The following DENND4C variants were observed in gnomAD, a reference collection of about 807,000 sequenced individuals.
The protein encoded by DENND4C is DENN domain-containing protein 4C.
DENND4C carries 108 observed loss-of-function variants against 203.0 expected under a neutral mutation model. The ratio of observed to expected loss-of-function variants is 0.53; its 90% CI spans 0.46 to 0.62. The LOEUF is 0.62. DENND4C is among the 20% of genes least tolerant of loss of function. The pLI, the probability that DENND4C is intolerant of heterozygous loss-of-function variation, is 0.00. For missense variants in DENND4C, 2,481 were observed against 2,301.2 expected (o/e 1.08, Z -1.60); for synonymous variants, 871 against 792.4 (o/e 1.10, Z -1.67).
At chr9:19,251,494 G>GTAAA in intron 1 of DENND4C, among the ~76,000 whole-genome samples, 1 of 152,136 alleles carries the variant, frequency 6.6e-6, no homozygotes, top group Non-Finnish European at 1.5e-5. Context: ...TCCACTCTTC[G>GTAAA]TTACTTATGT....
At chr9:19,366,773 A>C (rs1053810180) in intron 30 of DENND4C, among the ~76,000 whole-genome samples, 6 of 152,220 alleles carry the variant, frequency 3.9e-5, no homozygotes, top group Non-Finnish European at 8.8e-5. Flanking sequence ...ATAGGAGTAA[A>C]TCTTCATGAC....
At chr9:19,319,395 T>C (rs4977533) in intron 12 of DENND4C, among the ~76,000 whole-genome samples, 6 of 130,088 alleles carry the variant, frequency 4.6e-5, no homozygotes, top group East Asian at 2.0e-4. Flanking sequence ...TATATATACA[T>C]ATATATATAC....
intron 16 of DENND4C, 40 bp from the exon 17 acceptor site, chr9:19,331,938 G>A (rs370948988): frequency 3.8e-5 from 59 of 1,544,786 alleles, no homozygotes; most frequent in Admixed American, 2.5e-4. Flanking sequence ...TCACCCTAAT[G>A]AATTTTAGTA....
chr9:19,239,059 A>G (rs567951746), intron 1 of DENND4C, among the ~76,000 whole-genome samples: 24 of 151,814 alleles, frequency 1.6e-4, no homozygotes, highest in Admixed American at 1.4e-3. Context: ...TTCTTAATCT[A>G]CAGATACTGA....
intron 5 of DENND4C, 57 bp from the exon 6 acceptor site, chr9:19,295,951 G>T: frequency 7.8e-7 from 1 of 1,282,548 alleles, no homozygotes; most frequent in South Asian, 1.3e-5. Context: ...GAAAAAAAGA[G>T]AAGTTAATTT....
intron 7 of DENND4C, 121 bp downstream of exon 7, chr9:19,298,243 A>G (rs754182737): frequency 1.2e-6 from 1 of 803,312 alleles, no homozygotes; most frequent in Non-Finnish European, 2.0e-6. Context: ...AAGTCCTTGG[A>G]TTTTCTGTGC....
In DENND4C at chr9:19,235,609, C is replaced by CATT. The variant is rs527323084; in HGVS notation, c.-18+4776_-18+4777insATT. ...ATCTGTTGGTTTACAGAAGAGTCAT[C>CATT]TTTTTTTTTTTTTTTTTTTGAGACG... is the stretch of plus-strand genomic sequence containing the variant. On this transcript the variant is annotated intron_variant, in intron 1 of 32. Coordinates refer to ENST00000434457, the MANE Select transcript of DENND4C (RefSeq NM_001330640.2). 2.1e-4 allele frequency among the ~76,000 whole-genome samples: 25 copies of CATT among 118,946 alleles called. 1 individual carries two copies. Among genetic ancestry groups the CATT allele is most frequent in the African/African-American group, 7.3e-4 (24 of 33,036 alleles). 78.0% of individuals were successfully genotyped at this position (118,946 alleles called of 152,430 possible). A position where few individuals can be genotyped will look rare whatever the true frequency, so the allele number is the denominator to read the frequency against.
chr9:19,300,511 TA>T (rs1427841868), intron 9 of DENND4C, among the ~76,000 whole-genome samples, 180 bp downstream of exon 9: 11 of 152,166 alleles, frequency 7.2e-5, no homozygotes, highest in Non-Finnish European at 1.5e-4. Context: ...GTAGGAAATA[TA>T]AAGAAAACAA....
At chr9:19,263,617 T>C (rs183608864) in intron 1 of DENND4C, among the ~76,000 whole-genome samples, 2 of 151,716 alleles carry the variant, frequency 1.3e-5, no homozygotes, top group East Asian at 1.9e-4. Flanking sequence ...GAATTTTGCA[T>C]CAATGTTCAT....
At chr9:19,355,664 T>C (rs931055077) in intron 26 of DENND4C, among the ~76,000 whole-genome samples, 2 of 152,214 alleles carry the variant, frequency 1.3e-5, no homozygotes, top group South Asian at 4.1e-4. Context: ...CACTTGGTCC[T>C]TGTGTTGTAT....
rs75261451 is a variant in DENND4C at position 19,340,064 on chromosome 9, A to G, written c.2882-928A>G. ...TGGCACAACAGAATGTTCTAGCTCA[A>G]TCTTGTACCTTCTCTGTCTGAGCTC... On this transcript the variant is annotated intron_variant, in intron 20 of 32. Coordinates refer to ENST00000434457, the MANE Select transcript of DENND4C (RefSeq NM_001330640.2). Among the ~76,000 whole-genome samples the G allele has an allele frequency of 1.1e-3, 161 of 152,232 alleles. 1 individual carries two copies. Among genetic ancestry groups the G allele is most frequent in the African/African-American group, 3.8e-3 (159 of 41,536 alleles).
intron 22 of DENND4C, among the ~76,000 whole-genome samples, chr9:19,343,166 A>G (rs1484526147): frequency 1.3e-5 from 2 of 152,160 alleles, no homozygotes; most frequent in South Asian, 4.1e-4. Context: ...ACTGAAGGGA[A>G]ATGGAAGAAA....
chr9:19,298,550 G>T (rs557443266), intron 7 of DENND4C, among the ~76,000 whole-genome samples: 1 of 152,086 alleles, frequency 6.6e-6, no homozygotes, highest in Non-Finnish European at 1.5e-5. Context: ...AGTAGCAGAC[G>T]TAGGTAGGTG....
chr9:19,238,688 T>A, intron 1 of DENND4C, among the ~76,000 whole-genome samples: 1 of 113,168 alleles, frequency 8.8e-6, no homozygotes, highest in Non-Finnish European at 1.9e-5. Context: ...AATTTCGCTC[T>A]TGTGGCCCAG....
chr9:19,238,795 A>G (rs1055766382), intron 1 of DENND4C, among the ~76,000 whole-genome samples: 6 of 148,458 alleles, frequency 4.0e-5, no homozygotes, highest in African/African-American at 1.0e-4. Context: ...TCGGGATTAC[A>G]GGCATGTGCC....
At chr9:19,333,439 T>C (rs1819729390) in intron 17 of DENND4C, among the ~76,000 whole-genome samples, 1 of 152,190 alleles carries the variant, frequency 6.6e-6, no homozygotes, top group South Asian at 2.1e-4. Flanking sequence ...TTGTACATTG[T>C]GTAGGATGTT....
At chr9:19,294,880 C>A (rs1837107175) in intron 5 of DENND4C, among the ~76,000 whole-genome samples, 1 of 152,058 alleles carries the variant, frequency 6.6e-6, no homozygotes, top group African/African-American at 2.4e-5. Flanking sequence ...TTACCAGGGA[C>A]TTGGATTGAG....
At position 19,276,458 on chromosome 9, in the gene DENND4C, A is replaced by C. The variant is rs1832912625; in HGVS notation, c.284A>C (p.Lys95Thr). 2 of 1,232,074 alleles carry C rather than the reference A, an allele frequency of 1.6e-6. No individual in the cohort carries two copies. The highest frequency in any genetic ancestry group is 3.1e-5 in the African/African-American group (2 of 64,536). The allele number at this position is 1,232,074 out of a possible 1,614,324, so 76.3% of individuals were successfully genotyped here. Residue 95 changes from lysine (K) to threonine (T), a missense_variant, in exon 2 of 33, where the codon AAA becomes ACA. Transcript: ENST00000434457. The stretch of plus-strand genomic sequence containing the variant: ...CTCTGTTATAAGAGAGGGAGAGATA[A>C]ACCACCGCTTACAGATATTGGGTAT... ...LFLCYKRGRD[K>T]PPLTDIGVLY...
chr9:19,328,141 C>T lies in DENND4C; in HGVS notation c.2232C>T (p.Leu744=), dbSNP rs1419466059. ...TGNSITKSPP[L]MAKRTKQEIK... ...ATAGCATTACAAAGAGTCCACCTCT[C>T]ATGGCTAAGAGAACTAAACAGGTCA... Residue 744 remains leucine, a synonymous_variant, in exon 16 of 33, where the codon CTC becomes CTT. Coordinates refer to ENST00000434457, the MANE Select transcript of DENND4C (RefSeq NM_001330640.2). 6.2e-7 allele frequency: 1 copy of T among 1,610,372 alleles called. No homozygotes were observed. Among genetic ancestry groups the T allele is most frequent in the East Asian group, 2.2e-5 (1 of 44,798 alleles).
Sources: allele counts gnomAD v4.1 joint callset (sites outside exome capture counted in the v4.1 genomes callset), GRCh38; gene constraint gnomAD v4.1.1; transcripts MANE v1.5; gene names NCBI Gene and HGNC (gene_info 2026-07-23, HGNC 2026-07-21).